MCTP2: variants seen among roughly 807,000 people sequenced by gnomAD.
MCTP2 encodes the protein multiple C2 and transmembrane domain containing 2.
Under a neutral mutation model 111.6 loss-of-function variants are expected in MCTP2, and 132 were observed. The observed-to-expected ratio is 1.18, with a 90% CI of 1.03 to 1.37. MCTP2 has a LOEUF of 1.37. Ranked by LOEUF, MCTP2 falls within the 40% of genes most tolerant of loss-of-function variation. MCTP2 has a pLI of 0.00. For synonymous variants in MCTP2, 395 were observed against 387.7 expected, an observed-to-expected ratio of 1.02 and a Z score of -0.22; for missense variants, 1,183 against 1,067.9, an observed-to-expected ratio of 1.11 and a Z score of -1.50.
At chr15:94,463,477 CTTATTT>C (rs1311336014) in intron 20 of MCTP2, among the ~76,000 whole-genome samples, 1 of 152,014 alleles carries the variant, frequency 6.6e-6, no homozygotes, top group Non-Finnish European at 1.5e-5. Flanking sequence ...ACTTAGTTAT[CTTATTT>C]TTATATGAAG....
At chr15:94,381,949 C>G (rs969040967) in intron 12 of MCTP2, among the ~76,000 whole-genome samples, 1 of 152,218 alleles carries the variant, frequency 6.6e-6, no homozygotes, top group Admixed American at 6.5e-5. Flanking sequence ...CATCTAAAAT[C>G]CCTTCCGTGT....
intron 17 of MCTP2, among the ~76,000 whole-genome samples, chr15:94,421,905 A>G (rs2082645605): frequency 6.6e-6 from 1 of 152,204 alleles, no homozygotes. Flanking sequence ...GAGGTCGTGC[A>G]TTCCTGTCTT....
In MCTP2 at chr15:94,338,488, AT is replaced by A. The variant is rs201502636; in HGVS notation, c.638-782del. ...TAATTCATGTATTATGTTTGCAGGC[AT>A]TTTTTTTTTTTTTTTTTTTACTTCC... On this transcript the variant is annotated intron_variant, in intron 4 of 22. Transcript: ENST00000357742. Among the ~76,000 whole-genome samples the A allele has an allele frequency of 3.9e-3, 524 of 134,154 alleles. 1 individual carries two copies. Among genetic ancestry groups the A allele is most frequent in the East Asian group, 0.024 (110 of 4,588 alleles). The allele number at this position is 134,154 out of a possible 152,430, so 88.0% of individuals were successfully genotyped here.
chr15:94,361,879 T>C (rs2078960975), intron 10 of MCTP2, among the ~76,000 whole-genome samples: 1 of 152,178 alleles, frequency 6.6e-6, no homozygotes, highest in South Asian at 2.1e-4. Context: ...TGCTTATGTG[T>C]AGAGAAATCA....
chr15:94,398,936 G>T lies in MCTP2; in HGVS notation c.1789-25G>T, dbSNP rs762461122. The T allele has an allele frequency of 1.7e-5, 23 of 1,388,240 alleles. No homozygotes were observed. The South Asian group carries it at 2.6e-4, about 16-fold the overall frequency. The allele number at this position is 1,388,240 out of a possible 1,614,324, so 86.0% of individuals were successfully genotyped here. ...CCACATAGTAATTTTGCACCAATGT[G>T]TATTTTGTCTTTTGTTTGTGACAGA... On this transcript the variant is annotated intron_variant, in intron 14 of 22. Coordinates refer to ENST00000357742, the MANE Select transcript of MCTP2 (RefSeq NM_001385001.1).
At chr15:94,426,656 A>G (rs1295230677) in intron 17 of MCTP2, among the ~76,000 whole-genome samples, 2 of 152,112 alleles carry the variant, frequency 1.3e-5, no homozygotes, top group East Asian at 1.9e-4. Context: ...TAAATCACCC[A>G]TCTATTCTGG....
intron 17 of MCTP2, among the ~76,000 whole-genome samples, chr15:94,430,575 TA>T (rs2083128107): frequency 5.1e-5 from 1 of 19,436 alleles, no homozygotes; most frequent in Admixed American, 5.5e-4. Context: ...CTACTAAAAA[TA>T]CAAAAAAAAA....
At chr15:94,452,635 G>A (rs950410286) in intron 19 of MCTP2, among the ~76,000 whole-genome samples, 5 of 152,158 alleles carry the variant, frequency 3.3e-5, no homozygotes, top group African/African-American at 9.7e-5. Flanking sequence ...TGTTGGTGCT[G>A]AGAACACAGG....
At chr15:94,335,892 G>T (rs931286435) in intron 4 of MCTP2, among the ~76,000 whole-genome samples, 2 of 151,956 alleles carry the variant, frequency 1.3e-5, no homozygotes, top group African/African-American at 4.8e-5. Context: ...TTTATGGTGG[G>T]TATATTAGAC....
At chr15:94,255,093 A>G (rs2072681361) in intron 1 of MCTP2, among the ~76,000 whole-genome samples, 1 of 152,172 alleles carries the variant, frequency 6.6e-6, no homozygotes, top group Non-Finnish European at 1.5e-5. Flanking sequence ...CCTTTTCCTA[A>G]AGACAAACTT....
chr15:94,366,589 A>G (rs901434015), intron 10 of MCTP2, among the ~76,000 whole-genome samples: 1 of 152,188 alleles, frequency 6.6e-6, no homozygotes, highest in African/African-American at 2.4e-5. Flanking sequence ...TACAAAGTCC[A>G]TTGACAGCTT....
chr15:94,265,317 T>C (rs1342234226), intron 1 of MCTP2, among the ~76,000 whole-genome samples: 2 of 152,098 alleles, frequency 1.3e-5, no homozygotes, highest in East Asian at 3.8e-4. Context: ...ATGAAAATGG[T>C]AATGGCAGAC....
At position 94,476,681 on chromosome 15, in the gene MCTP2, G is replaced by C. The variant is rs747565646; in HGVS notation, c.2471-15G>C. On this transcript the variant is annotated splice_polypyrimidine_tract_variant and intron_variant, in intron 21 of 22. Transcript: ENST00000357742. ...ACAGACAGATAAAGAGATCTCCTGT[G>C]TTTCTATTTTTCAGGCATAAATAAA... 6.1e-6 allele frequency: 8 copies of C among 1,315,062 alleles called. No homozygotes were observed. In the African/African-American group the frequency reaches 1.0e-4, roughly 17 times the overall value. The allele number at this position is 1,315,062 out of a possible 1,614,324, so 81.5% of individuals were successfully genotyped here.
At chr15:94,383,685 G>A (rs912866468) in intron 12 of MCTP2, among the ~76,000 whole-genome samples, 1 of 152,174 alleles carries the variant, frequency 6.6e-6, no homozygotes, top group Non-Finnish European at 1.5e-5. Flanking sequence ...CAGTATGGGG[G>A]AAACCGCCCC....
chr15:94,327,954 A>G (rs2076954613), intron 4 of MCTP2, among the ~76,000 whole-genome samples: 1 of 152,068 alleles, frequency 6.6e-6, no homozygotes. Context: ...CCCCATCTCA[A>G]TTCCTATGAA....
chr15:94,446,954 G>T (rs1567724881), intron 19 of MCTP2, among the ~76,000 whole-genome samples: 1 of 152,188 alleles, frequency 6.6e-6, no homozygotes, highest in African/African-American at 2.4e-5. Context: ...ATCCATTTTT[G>T]TTGATTGATT....
At chr15:94,284,142 A>C (rs533761151) in intron 1 of MCTP2, among the ~76,000 whole-genome samples, 2 of 152,190 alleles carry the variant, frequency 1.3e-5, no homozygotes, top group Admixed American at 1.3e-4. Flanking sequence ...TTCTACTCTG[A>C]GGTATGGTGT....
rs757841782 is a variant in MCTP2, at chr15:94,339,404, A to C, written c.752A>C (p.Gln251Pro). 2 of 1,607,890 alleles carry C rather than the reference A, an allele frequency of 1.2e-6. No individual in the cohort carries two copies. Among genetic ancestry groups the C allele is most frequent in the Non-Finnish European group, 1.7e-6 (2 of 1,177,646 alleles). ...VWDEIVVLPI[Q>P]SLDQKLRVKV... ...GATGAGATAGTTGTATTGCCAATCC[A>C]AAGCCTTGATCAAAAGCTACGTGTG... is the stretch of plus-strand genomic sequence containing the variant. The change falls in exon 5 of 23, where the codon CAA becomes CCA. Residue 251 changes from glutamine (Q) to proline (P), a missense_variant. By Grantham distance (76) the Gln-to-Pro change is moderately conservative. Coordinates refer to ENST00000357742, the MANE Select transcript of MCTP2 (RefSeq NM_001385001.1).
intron 10 of MCTP2, among the ~76,000 whole-genome samples, chr15:94,366,149 A>G (rs11858398): frequency 0.31 from 46,614 of 152,114 alleles, 8,431 homozygotes; most frequent in African/African-American, 0.49. Context: ...CTATATTTTC[A>G]TAGATAGTAA....
Sources: allele counts gnomAD v4.1 joint callset (sites outside exome capture counted in the v4.1 genomes callset), GRCh38; gene constraint gnomAD v4.1.1; transcripts MANE v1.5; gene names NCBI Gene and HGNC (gene_info 2026-07-23, HGNC 2026-07-21).